Variants in INTS7 observed in about 807,000 individuals in gnomAD.
The protein encoded by INTS7 is integrator complex subunit 7.
INTS7 carries 46 observed loss-of-function variants against 109.2 expected under a neutral mutation model. The observed-to-expected ratio is 0.42, with a 90% CI of 0.33 to 0.54. The LOEUF (loss-of-function observed/expected upper bound fraction) is 0.54, where lower values mean the gene tolerates loss of function less well. INTS7 is among the 20% of genes least tolerant of loss of function. The probability of loss-of-function intolerance (pLI) is 0.07; values close to 1 mark genes in which losing one functional copy is unlikely to be tolerated. For missense variants in INTS7, 929 were observed against 1,132.4 expected, an observed-to-expected ratio of 0.82 and a Z score of 2.58; for synonymous variants, 412 against 402.9, an observed-to-expected ratio of 1.02 and a Z score of -0.27.
chr1:211,961,461 G>A (rs1182493533), intron 16 of INTS7, among the ~76,000 whole-genome samples: 1 of 149,620 alleles, frequency 6.7e-6, no homozygotes, highest in Non-Finnish European at 1.5e-5. Flanking sequence ...ATGGAGTCTT[G>A]GTCTGTTGCC....
chr1:211,988,414 C>G (rs1236068415), intron 7 of INTS7, among the ~76,000 whole-genome samples: 3 of 149,144 alleles, frequency 2.0e-5, no homozygotes, highest in African/African-American at 7.5e-5. Context: ...AGAGCAAGAC[C>G]CTGTCTCAAA....
chr1:211,945,445 G>A (rs17018262), intron 18 of INTS7, among the ~76,000 whole-genome samples: 3,931 of 152,222 alleles, frequency 0.026, 57 homozygotes, highest in African/African-American at 0.045. Flanking sequence ...TGAATCAAAT[G>A]ACATTTTTCA....
chr1:211,995,702 G>T (rs1218173660), intron 7 of INTS7, among the ~76,000 whole-genome samples: 1 of 152,160 alleles, frequency 6.6e-6, no homozygotes, highest in Non-Finnish European at 1.5e-5. Context: ...AATCCTAACC[G>T]CCAAGTTGAT....
intron 7 of INTS7, among the ~76,000 whole-genome samples, chr1:212,002,757 T>C (rs1665729293): frequency 6.6e-6 from 1 of 152,254 alleles, no homozygotes; most frequent in Non-Finnish European, 1.5e-5. Context: ...TTAAGTTTTC[T>C]TGGCAGCATT....
Position 211,952,656 on chromosome 1 carries a change from T to A in INTS7, c.2229A>T (p.Glu743Asp). 6.2e-7 allele frequency: 1 copy of A among 1,613,010 alleles called. No individual in the cohort carries two copies. The highest frequency in any genetic ancestry group is 8.5e-7 in the Non-Finnish European group (1 of 1,179,182). ...ATACAGACATCATTCTTCTTTCATA[T>A]TCACTATCAGCATGGGCTGTTCCAG... The part of the protein sequence containing the change: ...GSTGTAHADS[E>D]YERRMMSVYN... The change falls in exon 17 of 20, where the codon GAA becomes GAT. Residue 743 changes from glutamate (E) to aspartate (D), a missense_variant. By Grantham distance (45) the Glu-to-Asp change is conservative. Coordinates refer to ENST00000366994, the MANE Select transcript of INTS7 (RefSeq NM_015434.4).
At chr1:211,943,892 T>G (rs187210323) in intron 19 of INTS7, among the ~76,000 whole-genome samples, 1 of 152,306 alleles carries the variant, frequency 6.6e-6, no homozygotes, top group East Asian at 1.9e-4. Flanking sequence ...CTTGCTTCAT[T>G]TACTGTGGAT....
intron 8 of INTS7, among the ~76,000 whole-genome samples, chr1:211,983,443 T>C (rs1558038505): frequency 6.6e-6 from 1 of 152,208 alleles, no homozygotes; most frequent in South Asian, 2.1e-4. Context: ...TTAAATTCCA[T>C]GCTATAGATT....
At chr1:211,967,064 T>C (rs936693560) in intron 15 of INTS7, among the ~76,000 whole-genome samples, 1 of 152,166 alleles carries the variant, frequency 6.6e-6, no homozygotes, top group African/African-American at 2.4e-5. Flanking sequence ...CAAGAACTAC[T>C]GATTGGAAAG....
rs1197091809 is a variant in INTS7, at chr1:211,942,835, T to C, written c.2602-724A>G. ...GACGTACTCTTACCTGTACCCAAGA[T>C]GAAACGTGTCAAGAGACAGATTTAT... On this transcript the variant is annotated intron_variant, in intron 19 of 19. Transcript: ENST00000366994. This position sits in a 1 kb window ranked among gnomAD's most constrained non-coding sequence, Gnocchi z 4.2. Among the ~76,000 whole-genome samples the C allele has an allele frequency of 1.3e-5, 2 of 152,198 alleles. No individual in the cohort carries two copies. Among genetic ancestry groups the C allele is most frequent in the South Asian group, 2.1e-4 (1 of 4,828 alleles).
chr1:211,945,307 C>G (rs189653705), intron 18 of INTS7, among the ~76,000 whole-genome samples: 2 of 152,254 alleles, frequency 1.3e-5, no homozygotes, highest in East Asian at 3.9e-4. Flanking sequence ...ATTTTCATTA[C>G]CTAAGAGCTG....
intron 7 of INTS7, among the ~76,000 whole-genome samples, chr1:211,988,756 T>C (rs879250471): frequency 6.6e-6 from 1 of 152,240 alleles, no homozygotes; most frequent in Admixed American, 6.5e-5. Flanking sequence ...GAGATATGAA[T>C]ATTATTTCAT....
At chr1:212,014,518 T>C (rs1364913597) in intron 4 of INTS7, among the ~76,000 whole-genome samples, 2 of 150,922 alleles carry the variant, frequency 1.3e-5, no homozygotes, top group African/African-American at 2.4e-5. Context: ...CAAATACTAT[T>C]TTTTAAATTT....
At chr1:211,985,629 G>A (rs1026078334) in intron 8 of INTS7, among the ~76,000 whole-genome samples, 1 of 152,212 alleles carries the variant, frequency 6.6e-6, no homozygotes, top group African/African-American at 2.4e-5. Context: ...TATTGTGCAT[G>A]TAAGTCAGTT....
chr1:211,976,822 A>C lies in INTS7; in HGVS notation c.1471-103T>G, dbSNP rs545015253. 13 of 1,048,334 alleles carry C rather than the reference A, an allele frequency of 1.2e-5. No homozygotes were observed. The East Asian group carries it at 2.9e-4, about 23-fold the overall frequency. 64.9% of individuals were successfully genotyped at this position (1,048,334 alleles called of 1,614,324 possible). ...GAAAACTAATTAGAGCCCACTGCAA[A>C]AGAACAAAATTTGTTTTCCAATGAC... On this transcript the variant is annotated intron_variant, in intron 11 of 19. Transcript: ENST00000366994.
intron 1 of INTS7, among the ~76,000 whole-genome samples, chr1:212,033,943 C>T (rs1337658244): frequency 6.6e-6 from 1 of 151,996 alleles, no homozygotes; most frequent in Non-Finnish European, 1.5e-5. Flanking sequence ...ATTAGCCGGG[C>T]GTGGTGGCGG....
chr1:212,015,064 G>C (rs529914541), intron 4 of INTS7, among the ~76,000 whole-genome samples: 1 of 141,886 alleles, frequency 7.0e-6, no homozygotes, highest in Admixed American at 6.7e-5. Context: ...GCCTCCGCCC[G>C]GCAGCCGCCC....
At chr1:211,957,861 C>T (rs1472975518) in intron 16 of INTS7, among the ~76,000 whole-genome samples, 1 of 151,798 alleles carries the variant, frequency 6.6e-6, no homozygotes, top group East Asian at 1.9e-4. Flanking sequence ...TATGGCTCTA[C>T]TGGCTTGTTT....
intron 16 of INTS7, 146 bp from the exon 17 acceptor site, chr1:211,952,847 G>A (rs1663163008): frequency 2.5e-6 from 2 of 790,684 alleles, no homozygotes; most frequent in Admixed American, 3.0e-5. Context: ...TTGAGGCTAG[G>A]AGAGGGTAAG....
rs964871291 is a variant in INTS7 at position 211,946,963 on chromosome 1, T to C, written c.2317-258A>G. On this transcript the variant is annotated intron_variant, in intron 17 of 19. Transcript: ENST00000366994. The surrounding 1 kb of genome is among the most constrained non-coding windows in gnomAD (Gnocchi z 4.3). Reference sequence around the variant, plus strand: ...ATCCACAGTCCTCGAGGCCAAGCAATAGGCAAATTCCACATTTCTACAGCG... The same window carrying C: ...ATCCACAGTCCTCGAGGCCAAGCAACAGGCAAATTCCACATTTCTACAGCG... 6.6e-6 allele frequency among the ~76,000 whole-genome samples: 1 copy of C among 152,046 alleles called. No individual in the cohort carries two copies. The highest frequency in any genetic ancestry group is 2.4e-5 in the African/African-American group (1 of 41,342).
Sources: gnomAD v4.1 joint callset for allele counts (sites outside exome capture counted in the v4.1 genomes callset) on GRCh38, gnomAD v4.1.1 for gene constraint, Gnocchi (gnomAD v3.1) non-coding constraint, MANE v1.5 for transcripts, NCBI Gene and HGNC (gene_info 2026-07-23, HGNC 2026-07-21) for gene names.